The following ERC1 variants were observed in gnomAD, a reference collection of about 807,000 sequenced individuals.
ERC1 encodes ELKS/RAB6-interacting/CAST family member 1.
Under a neutral mutation model 132.0 loss-of-function variants are expected in ERC1, and 56 were observed. The ratio of observed to expected loss-of-function variants is 0.42; its 90% confidence interval spans 0.34 to 0.53. ERC1 has a LOEUF of 0.53. Ranked by LOEUF, ERC1 falls within the 20% of genes least tolerant of loss-of-function variation. ERC1 has a pLI of 0.03. For synonymous variants in ERC1, 478 were observed against 476.1 expected (o/e 1.00, Z -0.05); for missense variants, 1,202 against 1,349.9 (o/e 0.89, Z 1.72).
intron 17 of ERC1, among the ~76,000 whole-genome samples, chr12:1,410,119 T>C (rs946673154): frequency 6.6e-5 from 10 of 152,184 alleles, no homozygotes; most frequent in African/African-American, 2.4e-4. Context: ...CAATGCATTG[T>C]TATTTTTTAT....
intron 14 of ERC1, among the ~76,000 whole-genome samples, chr12:1,264,821 C>G (rs1296566286): frequency 6.6e-6 from 1 of 152,102 alleles, no homozygotes; most frequent in African/African-American, 2.4e-5. Context: ...TTTCTAGGAA[C>G]CCCTTGGTCA....
In ERC1 at chr12:1,446,578, G is replaced by C. The variant is rs140300126; in HGVS notation, c.3213+1828G>C. On this transcript the variant is annotated intron_variant, in intron 18 of 18. Coordinates refer to ENST00000360905, the MANE Select transcript of ERC1 (RefSeq NM_178040.4). ...TTAAATATTGTTTGTTTACTCGTGTGTGAAGGTAAATTGTATTTAATACAG... is the reference window on the plus strand; with the variant it reads ...TTAAATATTGTTTGTTTACTCGTGTCTGAAGGTAAATTGTATTTAATACAG... 4.6e-3 allele frequency among the ~76,000 whole-genome samples: 700 copies of C among 152,304 alleles called. 4 individuals carry two copies. The highest frequency in any genetic ancestry group is 0.016 in the African/African-American group (656 of 41,546).
At chr12:1,309,989 C>T (rs2154349377) in intron 15 of ERC1, among the ~76,000 whole-genome samples, 1 of 151,000 alleles carries the variant, frequency 6.6e-6, no homozygotes, top group Admixed American at 6.6e-5. Context: ...GTGCTGTCGC[C>T]CAGGCTGGAA....
At chr12:994,211 G>A (rs769251943) in intron 1 of ERC1, among the ~76,000 whole-genome samples, 16 of 151,718 alleles carry the variant, frequency 1.1e-4, no homozygotes, top group Non-Finnish European at 1.9e-4. Flanking sequence ...AATGGAAAAA[G>A]ATCAAGAAAT....
intron 7 of ERC1, among the ~76,000 whole-genome samples, chr12:1,124,807 G>A (rs943976607): frequency 5.3e-5 from 8 of 151,880 alleles, no homozygotes; most frequent in South Asian, 2.1e-4. Flanking sequence ...AATTATATTC[G>A]AATAAGCTTG....
At chr12:1,118,044 A>G (rs1051939825) in intron 7 of ERC1, among the ~76,000 whole-genome samples, 8 of 152,208 alleles carry the variant, frequency 5.3e-5, no homozygotes, top group African/African-American at 1.9e-4. Context: ...CATCCCCTCA[A>G]TCGTGTATCC....
intron 2 of ERC1, among the ~76,000 whole-genome samples, chr12:1,042,201 C>CG (rs1970330989): frequency 6.6e-6 from 1 of 151,864 alleles, no homozygotes; most frequent in Admixed American, 6.6e-5. Context: ...CCGCGCCCAG[C>CG]TATTTTTTTG....
chr12:1,134,824 G>A (rs954108603), intron 7 of ERC1, among the ~76,000 whole-genome samples: 3 of 151,558 alleles, frequency 2.0e-5, no homozygotes, highest in Middle Eastern at 3.4e-3. Context: ...CGCCTCCCGG[G>A]TTCAAGTGAT....
intron 18 of ERC1, among the ~76,000 whole-genome samples, chr12:1,475,481 G>A (rs562050992): frequency 3.3e-5 from 5 of 152,288 alleles, no homozygotes; most frequent in African/African-American, 4.8e-5. Flanking sequence ...CTTCTAACCA[G>A]GGATGGCATT....
At chr12:1,016,279 G>A (rs534928695) in intron 1 of ERC1, among the ~76,000 whole-genome samples, 1 of 152,346 alleles carries the variant, frequency 6.6e-6, no homozygotes, top group East Asian at 1.9e-4. Flanking sequence ...ATCTGTGTTA[G>A]CCTAGTCCAT....
chr12:1,423,277 C>T (rs1371318281), intron 17 of ERC1, among the ~76,000 whole-genome samples: 1 of 152,190 alleles, frequency 6.6e-6, no homozygotes, highest in African/African-American at 2.4e-5. Context: ...TTTCACCTTA[C>T]AAAAGTCTTC....
intron 15 of ERC1, among the ~76,000 whole-genome samples, chr12:1,349,589 G>T (rs894573537): frequency 6.6e-6 from 1 of 151,466 alleles, no homozygotes; most frequent in Non-Finnish European, 1.5e-5. Flanking sequence ...GCTTGAACCC[G>T]GGAGGCAGAG....
In ERC1 at chr12:1,182,118, T is replaced by C. The variant is rs558866041; in HGVS notation, c.2016+53T>C. On this transcript the variant is annotated intron_variant, in intron 10 of 18. Coordinates refer to ENST00000360905, the MANE Select transcript of ERC1 (RefSeq NM_178040.4). ...TGTTTGCTTAATCATTGCATGTGTC[T>C]GTATGTTGGTGTTTACATAATGCAT... is the stretch of plus-strand genomic sequence containing the variant. 2.4e-5 allele frequency: 37 copies of C among 1,534,484 alleles called. No homozygotes were observed. The African/African-American group carries it at 4.7e-4, about 20-fold the overall frequency.
At chr12:1,283,179 C>T (rs2078802331) in intron 14 of ERC1, among the ~76,000 whole-genome samples, 1 of 152,168 alleles carries the variant, frequency 6.6e-6, no homozygotes, top group Non-Finnish European at 1.5e-5. Flanking sequence ...GTCCTGCTGG[C>T]ACTGCACACT....
chr12:1,028,881 G>A (rs1433494376), intron 2 of ERC1, among the ~76,000 whole-genome samples: 1 of 145,312 alleles, frequency 6.9e-6, no homozygotes, highest in South Asian at 2.1e-4. Flanking sequence ...TCTTCTGAGA[G>A]TATAATTTTG....
At chr12:1,291,407 G>C (rs1016269769) in intron 15 of ERC1, among the ~76,000 whole-genome samples, 4 of 152,174 alleles carry the variant, frequency 2.6e-5, no homozygotes, top group African/African-American at 9.7e-5. Flanking sequence ...AATGACACTA[G>C]ATTCTTCACT....
At chr12:1,259,719 T>G (rs2077032199) in intron 13 of ERC1, among the ~76,000 whole-genome samples, 2 of 152,028 alleles carry the variant, frequency 1.3e-5, no homozygotes, top group African/African-American at 4.8e-5. Flanking sequence ...GAGACGGGGT[T>G]TCACCATGTT....
At position 1,028,310 on chromosome 12, in the gene ERC1, C is replaced by T; in HGVS notation, c.407C>T (p.Ala136Val). 3 of 1,614,184 alleles carry T rather than the reference C, an allele frequency of 1.9e-6. No homozygotes were observed. The highest frequency in any genetic ancestry group is 2.5e-6 in the Non-Finnish European group (3 of 1,180,032). ...CATCACCTCCCTCCTGTGAGTATGG[C>T]ATCCACTGTACCTCACTCCCTTCGT... ...GEHHLPPVSM[A>V]STVPHSLRQA... Residue 136 changes from alanine to valine, a missense_variant, in exon 2 of 19, where the codon GCA becomes GTA. Ala to Val is a moderately conservative substitution (Grantham distance 64). Coordinates refer to ENST00000360905, the MANE Select transcript of ERC1 (RefSeq NM_178040.4).
At chr12:1,250,191 G>A (rs567117401) in intron 13 of ERC1, among the ~76,000 whole-genome samples, 2 of 152,246 alleles carry the variant, frequency 1.3e-5, no homozygotes, top group African/African-American at 4.8e-5. Flanking sequence ...AATATAACAC[G>A]TTGTTTTCCT....
Sources: allele counts gnomAD v4.1 joint callset (sites outside exome capture counted in the v4.1 genomes callset), GRCh38; gene constraint gnomAD v4.1.1; transcripts MANE v1.5; gene names NCBI Gene and HGNC (gene_info 2026-07-23, HGNC 2026-07-21).